Variants in PAK3 observed in about 807,000 individuals in gnomAD.
PAK3 encodes the protein serine/threonine-protein kinase PAK 3.
A neutral mutation model predicts 41.0 loss-of-function variants in PAK3; 4 were observed. The observed-to-expected ratio is 0.10, with a 90% CI of 0.05 to 0.22. PAK3 has a LOEUF of 0.22. Ranked by LOEUF, PAK3 falls within the 10% of genes least tolerant of loss-of-function variation. PAK3 has a pLI of 1.00. For missense variants in PAK3, 205 were observed against 409.9 expected (o/e 0.50, Z 4.32); for synonymous variants, 146 against 139.6 (o/e 1.05, Z -0.32).
intron 1 of PAK3, among the ~76,000 whole-genome samples, chrX:111,008,718 T>C (rs1243006319): frequency 8.9e-6 from 1 of 112,597 alleles, no homozygotes; most frequent in East Asian, 2.8e-4. Context: ...TAATAATTCC[T>C]ACCTCTGGGG....
intron 1 of PAK3, among the ~76,000 whole-genome samples, chrX:110,964,861 G>GGCTGGCTT (rs2091049630): frequency 8.9e-6 from 1 of 111,771 alleles, no homozygotes; most frequent in Non-Finnish European, 1.9e-5. Context: ...CTGGCTGGCT[G>GGCTGGCTT]ACTGACTGAC....
At chrX:111,002,018 A>T (rs1193297348) in intron 1 of PAK3, among the ~76,000 whole-genome samples, 2 of 111,412 alleles carry the variant, frequency 1.8e-5, no homozygotes, top group Non-Finnish European at 3.8e-5. Flanking sequence ...CTATAATAAT[A>T]ATTATTATTA....
chrX:110,970,954 T>A (rs2091195091), intron 1 of PAK3, among the ~76,000 whole-genome samples: 1 of 112,001 alleles, frequency 8.9e-6, no homozygotes, highest in South Asian at 3.8e-4. Flanking sequence ...TTTCTTGTCT[T>A]ATTGCACTGG....
chrX:110,998,831 T>C (rs1003125819), intron 1 of PAK3, among the ~76,000 whole-genome samples: 2 of 112,199 alleles, frequency 1.8e-5, no homozygotes, highest in Non-Finnish European at 3.8e-5. Context: ...AAAGTAGATG[T>C]CAATGAGTTG....
intron 4 of PAK3, among the ~76,000 whole-genome samples, chrX:111,121,981 G>A (rs1007535058): frequency 7.2e-5 from 8 of 110,983 alleles, no homozygotes; most frequent in African/African-American, 2.0e-4. Flanking sequence ...TTGGCCAGGC[G>A]CAGTGGCTCA....
chrX:111,011,823 ATG>A (rs1189106225), intron 1 of PAK3, among the ~76,000 whole-genome samples: 2 of 112,379 alleles, frequency 1.8e-5, no homozygotes, highest in African/African-American at 6.5e-5. Flanking sequence ...TGTGAGATAT[ATG>A]TTTCTCTACA....
chrX:111,123,065 C>G lies in PAK3; in HGVS notation c.-27-12C>G. ...CTCCCTCAACTCCTTTTTTTTCCCT[C>G]CTTTTCTTTAGGAGCTGTGAAATTA... On this transcript the variant is annotated splice_polypyrimidine_tract_variant and intron_variant, in intron 4 of 17. Coordinates refer to ENST00000372007, the MANE Select transcript of PAK3 (RefSeq NM_002578.5). The G allele has an allele frequency of 9.1e-7, 1 of 1,097,535 alleles. No homozygotes were observed. Among genetic ancestry groups the G allele is most frequent in the Non-Finnish European group, 1.3e-6 (1 of 792,594 alleles). 90.4% of individuals were successfully genotyped at this position (1,097,535 alleles called of 1,213,427 possible). A position where few individuals can be genotyped will look rare whatever the true frequency, so the allele number is the denominator to read the frequency against.
At chrX:111,027,332 T>TA (rs1276366404) in intron 1 of PAK3, among the ~76,000 whole-genome samples, 9 of 111,491 alleles carry the variant, frequency 8.1e-5, no homozygotes, top group Non-Finnish European at 1.9e-5. Context: ...TTAACTCAAC[T>TA]AAAAAGCTTC....
chrX:111,053,714 C>T (rs1052054686), intron 1 of PAK3, among the ~76,000 whole-genome samples: 2 of 110,809 alleles, frequency 1.8e-5, no homozygotes, highest in African/African-American at 6.6e-5. Context: ...GCTCTTTCCT[C>T]TTTCCTTGAC....
At chrX:111,051,613 C>T (rs1302590408) in intron 1 of PAK3, among the ~76,000 whole-genome samples, 1 of 111,906 alleles carries the variant, frequency 8.9e-6, no homozygotes, top group Non-Finnish European at 1.9e-5. Context: ...ATCTGAACCT[C>T]TGATAACTGA....
At chrX:111,024,852 T>C (rs1482311830) in intron 1 of PAK3, among the ~76,000 whole-genome samples, 1 of 111,508 alleles carries the variant, frequency 9.0e-6, no homozygotes, top group Non-Finnish European at 1.9e-5. Flanking sequence ...ATACATTCTA[T>C]TCATTAGCAC....
chrX:111,216,506 G>T lies in PAK3; in HGVS notation c.1493G>T (p.Arg498Leu). 8.4e-7 allele frequency: 1 copy of T among 1,196,412 alleles called. No homozygotes were observed. Residue 498 changes from arginine (R) to leucine (L), a missense_variant, in exon 17 of 18, where the codon CGC becomes CTC. Physicochemically the swap from Arg to Leu is moderately radical, Grantham distance 102. Transcript: ENST00000372007. The stretch of plus-strand genomic sequence containing the variant: ...GCTGTATTCCGTGACTTTTTAAATC[G>T]CTGTCTTGAGATGGATGTGGATAGG... ...LSAVFRDFLN[R>L]CLEMDVDRRG...
chrX:110,989,758 C>A (rs2091609875), intron 1 of PAK3, among the ~76,000 whole-genome samples: 1 of 111,588 alleles, frequency 9.0e-6, no homozygotes, highest in Non-Finnish European at 1.9e-5. Flanking sequence ...AGCTTTCCTG[C>A]CTCCTAGTTG....
rs762003467 is a variant in PAK3, at chrX:111,042,083, C to G, written c.-27-80994C>G. The stretch of plus-strand genomic sequence containing the variant: ...TGTTTTTCTGTTTTTCCACAGTGCC[C>G]TGCTCATAATAAGAAATTAATTAGA... On this transcript the variant is annotated intron_variant, in intron 1 of 14. Coordinates refer to the PAK3 transcript ENST00000425146. Among the ~76,000 whole-genome samples, 138 of 112,088 alleles carry G rather than the reference C, an allele frequency of 1.2e-3. 1 individual carries two copies. Among genetic ancestry groups the G allele is most frequent in the African/African-American group, 4.3e-3 (134 of 30,878 alleles).
upstream of PAK3, among the ~76,000 whole-genome samples, chrX:111,094,493 TA>T (rs757784445): frequency 2.9e-4 from 32 of 110,727 alleles, no homozygotes; most frequent in African/African-American, 1.0e-3. Context: ...AACTGACCCT[TA>T]AAAATGGTCT....
At chrX:111,076,611 T>G in intron 1 of PAK3, among the ~76,000 whole-genome samples, 1 of 111,610 alleles carries the variant, frequency 9.0e-6, no homozygotes, top group Non-Finnish European at 1.9e-5. Context: ...TCTTTATAAA[T>G]TACCCAGTCT....
chrX:111,104,059 C>T (rs2093202950), intron 4 of PAK3, among the ~76,000 whole-genome samples: 1 of 112,499 alleles, frequency 8.9e-6, no homozygotes, highest in Admixed American at 9.4e-5. Context: ...TCCCCAGCAG[C>T]TTTGCAAGTT....
At chrX:111,169,635 A>G (rs1463491129) in intron 10 of PAK3, among the ~76,000 whole-genome samples, 1 of 111,554 alleles carries the variant, frequency 9.0e-6, no homozygotes, top group Non-Finnish European at 1.9e-5. Context: ...CTTGCCACAG[A>G]GAAAATATGG....
intron 1 of PAK3, among the ~76,000 whole-genome samples, chrX:110,960,856 A>T (rs1476733598): frequency 9.0e-6 from 1 of 111,135 alleles, no homozygotes; most frequent in Non-Finnish European, 1.9e-5. Flanking sequence ...CATGCTAATT[A>T]TACTTTCTCT....
Sources: gnomAD v4.1 joint callset for allele counts (sites outside exome capture counted in the v4.1 genomes callset) on GRCh38, gnomAD v4.1.1 for gene constraint, MANE v1.5 for transcripts, NCBI Gene and HGNC (gene_info 2026-07-23, HGNC 2026-07-21) for gene names.